The following PRR22 variants were observed in gnomAD, a reference collection of about 807,000 sequenced individuals.
The protein encoded by PRR22 is proline rich 22.
In PRR22, 5 loss-of-function variants were observed where a neutral mutation model predicts 7.2. The observed-to-expected ratio is 0.69, with a 90% CI of 0.36 to 1.45. The LOEUF is 1.45. Among genes scored for constraint, PRR22 ranks in the 40% most tolerant of loss-of-function variants. The pLI is 0.03. For synonymous variants in PRR22, 319 were observed against 269.3 expected (o/e 1.18, Z -1.81); for missense variants, 619 against 568.8 (o/e 1.09, Z -0.90).
At position 5,783,571 on chromosome 19, in the gene PRR22, G is replaced by C. The variant is rs779605170; in HGVS notation, c.676C>G (p.Pro226Ala). 4 of 1,606,248 alleles carry C rather than the reference G, an allele frequency of 2.5e-6. No individual in the cohort carries two copies. The East Asian group carries it at 9.0e-5, about 36-fold the overall frequency. Residue 226 changes from proline to alanine, a missense_variant, in exon 3 of 3, where the codon CCC (proline) becomes GCC (alanine). Physicochemically the swap from Pro to Ala is conservative, Grantham distance 27. Transcript: ENST00000419421. Reference protein sequence around the residue: ...GHLGHFPGPEPLAFPVKELQG... With the variant: ...GHLGHFPGPEALAFPVKELQG... ...AGCTCCTTGACGGGGAAGGCCAGGGGTTCGGGCCCAGGGAAGTGGCCGAGG... is the reference window on the plus strand; with the variant it reads ...AGCTCCTTGACGGGGAAGGCCAGGGCTTCGGGCCCAGGGAAGTGGCCGAGG...
rs759931344 is a variant in PRR22 at position 5,784,049 on chromosome 19, G to A, written c.198C>T (p.Phe66=). 6.2e-6 allele frequency: 10 copies of A among 1,611,874 alleles called. No homozygotes were observed. The highest frequency in any genetic ancestry group is 8.5e-6 in the Non-Finnish European group (10 of 1,179,492). ...AGAAGCACCCGCATGGGGCCATCTGGAAACCTGTGGGCGGCAGGCGGGTGC... is the reference window on the plus strand; with the variant it reads ...AGAAGCACCCGCATGGGGCCATCTGAAAACCTGTGGGCGGCAGGCGGGTGC... ...KEVFPAPPAG[F]QMAPCGCFFD... Residue 66 remains phenylalanine, a synonymous_variant, in exon 3 of 3, where the codon TTC becomes TTT. Transcript: ENST00000419421.
intron 2 of PRR22, 104 bp from the exon 3 acceptor site, chr19:5,784,157 G>A: frequency 8.5e-7 from 1 of 1,178,436 alleles, no homozygotes; most frequent in Non-Finnish European, 1.3e-6. Flanking sequence ...TGCCATTGGG[G>A]GGCCCCTTTG....
rs753528316 is a variant in PRR22, at chr19:5,784,364, G to A, written c.193+13C>T. The stretch of plus-strand genomic sequence containing the variant: ...ACTCCCAGCCTCGTCAAGGGCTCAG[G>A]GGAGGCCGGTACCTGCTGGTGGGGC... On this transcript the variant is annotated intron_variant, in intron 2 of 2. Transcript: ENST00000419421. 14 of 1,610,442 alleles carry A rather than the reference G, an allele frequency of 8.7e-6. No homozygotes were observed. In the Admixed American group the frequency reaches 2.4e-4, roughly 27 times the overall value.
chr19:5,784,210 G>C lies in PRR22; in HGVS notation c.194-157C>G, dbSNP rs376947138. 1.8e-5 allele frequency: 19 copies of C among 1,065,436 alleles called. No individual in the cohort carries two copies. The African/African-American group carries it at 2.8e-4, about 16-fold the overall frequency. The allele number at this position is 1,065,436 out of a possible 1,614,324, so 66.0% of individuals were successfully genotyped here. A position where few individuals can be genotyped will look rare whatever the true frequency, so the allele number is the denominator to read the frequency against. Reference sequence around the variant, plus strand: ...TGCTTTGGGGCCCTGGCTGGGTGATGGATGACACAGAGCTTGTCTTTGGGG... The same window carrying C: ...TGCTTTGGGGCCCTGGCTGGGTGATCGATGACACAGAGCTTGTCTTTGGGG... On this transcript the variant is annotated intron_variant, in intron 2 of 2. Transcript: ENST00000419421.
At chr19:5,784,305 G>C in intron 2 of PRR22, 72 bp downstream of exon 2, 1 of 1,515,522 alleles carries the variant, frequency 6.6e-7, no homozygotes, top group Non-Finnish European at 9.1e-7. Flanking sequence ...TTAGGGACGG[G>C]GCAGGGGCAA....
rs2056821573 is a variant in PRR22, at chr19:5,784,566, G to A, written c.95C>T (p.Pro32Leu). Residue 32 changes from proline to leucine, a missense_variant, in exon 1 of 3, where the codon CCT (proline) becomes CTT (leucine). Physicochemically the swap from Pro to Leu is moderately conservative, Grantham distance 98. Coordinates refer to ENST00000419421, the MANE Select transcript of PRR22 (RefSeq NM_001134316.2). ...AGGAGGCTCGGCACAGGTGGGAGCAGGCTGGTTGCCCAGCACCTCAGCCCC... is the reference window on the plus strand; with the variant it reads ...AGGAGGCTCGGCACAGGTGGGAGCAAGCTGGTTGCCCAGCACCTCAGCCCC... ...LEGAEVLGNQPAPTCAEPPPA... is the reference protein window; with the variant it reads ...LEGAEVLGNQLAPTCAEPPPA... The A allele has an allele frequency of 2.6e-6, 4 of 1,547,414 alleles. No individual in the cohort carries two copies. The African/African-American group carries it at 5.5e-5, about 21-fold the overall frequency.
At position 5,783,829 on chromosome 19, in the gene PRR22, G is replaced by A; in HGVS notation, c.418C>T (p.Pro140Ser). ...GGGAAGTAGGGCAAGAGAAACTGGGGCCCCCCGGGTGCCTGCTGGTAGTGG... is the reference window on the plus strand; with the variant it reads ...GGGAAGTAGGGCAAGAGAAACTGGGACCCCCCGGGTGCCTGCTGGTAGTGG... ...YPHYQQAPGG[P>S]QFLLPYFPPE... The change falls in exon 3 of 3, where the codon CCC (proline) becomes TCC (serine). Residue 140 changes from proline to serine, a missense_variant. Physicochemically the swap from Pro to Ser is moderately conservative, Grantham distance 74. Coordinates refer to ENST00000419421, the MANE Select transcript of PRR22 (RefSeq NM_001134316.2). The A allele has an allele frequency of 6.5e-7, 1 of 1,534,806 alleles. No homozygotes were observed. The highest frequency in any genetic ancestry group is 8.8e-7 in the Non-Finnish European group (1 of 1,139,906).
Position 5,783,208 on chromosome 19 carries a change from C to A in PRR22, c.1039G>T (p.Asp347Tyr), listed in dbSNP as rs755164083. The A allele has an allele frequency of 6.2e-7, 1 of 1,612,790 alleles. No homozygotes were observed. Among genetic ancestry groups the A allele is most frequent in the South Asian group, 1.1e-5 (1 of 91,088 alleles). Residue 347 changes from aspartate to tyrosine, a missense_variant, in exon 3 of 3, where the codon GAC (aspartate) becomes TAC (tyrosine). Asp to Tyr is a radical substitution (Grantham distance 160). Coordinates refer to ENST00000419421, the MANE Select transcript of PRR22 (RefSeq NM_001134316.2). Reference sequence around the variant, plus strand: ...AAGTAGTCAACGTTGGACACGGTGTCCAGGATCTCAGGCACGCTGTAGTCA... The same window carrying A: ...AAGTAGTCAACGTTGGACACGGTGTACAGGATCTCAGGCACGCTGTAGTCA... ...SFDYSVPEIL[D>Y]TVSNVDYFFN...
In PRR22 at chr19:5,784,741, G is replaced by A; in HGVS notation, c.-81C>T. On this transcript the variant is annotated 5_prime_UTR_variant, in exon 1 of 3. Transcript: ENST00000419421. The stretch of plus-strand genomic sequence containing the variant: ...GTGGCCCAACCGGAGAACAGGCTGA[G>A]AACCTGGTGGGGTTCTGTTTGCCTG... 3 of 1,477,006 alleles carry A rather than the reference G, an allele frequency of 2.0e-6. No homozygotes were observed. The highest frequency in any genetic ancestry group is 2.2e-5 in the Admixed American group (1 of 45,736). The allele number at this position is 1,477,006 out of a possible 1,614,324, so 91.5% of individuals were successfully genotyped here.
rs779249083 is a variant in PRR22 at position 5,783,707 on chromosome 19, C to T, written c.540G>A (p.Pro180=). 23 of 1,496,038 alleles carry T rather than the reference C, an allele frequency of 1.5e-5. No individual in the cohort carries two copies. The East Asian group carries it at 2.6e-4, about 17-fold the overall frequency. The allele number at this position is 1,496,038 out of a possible 1,614,324, so 92.7% of individuals were successfully genotyped here. The part of the protein sequence containing the change: ...ELPLPPLEEG[P]APLPPPPPKE... ...TGGGGGGTGGGGGTGGCAGCGGGGC[C>T]GGGCCTTCCTCTAGGGGCGGTAGGG... The change falls in exon 3 of 3, where the codon CCG becomes CCA. Residue 180 remains proline, a synonymous_variant. Transcript: ENST00000419421.
chr19:5,783,196 TGGACACGGTGTCCA>T lies in PRR22; in HGVS notation c.1037_1050del (p.Leu346GlnfsTer3). The T allele has an allele frequency of 6.2e-7, 1 of 1,612,766 alleles. No homozygotes were observed. Among genetic ancestry groups the T allele is most frequent in the East Asian group, 2.2e-5 (1 of 44,864 alleles). ...TTGAAGTTGAAGAAGTAGTCAACGT[TGGACACGGTGTCCA>T]GGATCTCAGGCACGCTGTAGTCAAA... On this transcript the variant is annotated frameshift_variant, in exon 3 of 3. Transcript: ENST00000419421. LOFTEE classifies it low-confidence loss of function (END_TRUNC).
chr19:5,783,566 C>T lies in PRR22; in HGVS notation c.681G>A (p.Leu227=). The T allele has an allele frequency of 6.2e-7, 1 of 1,605,566 alleles. No homozygotes were observed. Among genetic ancestry groups the T allele is most frequent in the East Asian group, 2.2e-5 (1 of 44,534 alleles). Residue 227 remains leucine, a synonymous_variant, in exon 3 of 3, where the codon CTG becomes CTA. Transcript: ENST00000419421. Reference sequence around the variant, plus strand: ...CCTGCAGCTCCTTGACGGGGAAGGCCAGGGGTTCGGGCCCAGGGAAGTGGC... The same window carrying T: ...CCTGCAGCTCCTTGACGGGGAAGGCTAGGGGTTCGGGCCCAGGGAAGTGGC... ...HLGHFPGPEP[L]AFPVKELQGS...
Position 5,784,276 on chromosome 19 carries a change from C to T in PRR22, c.193+101G>A, listed in dbSNP as rs752547144. ...TGTGTGAAGCATGGGGAGCAGAGGC[C>T]ATGCCTTCAGGCTCCCACTTAGGGA... On this transcript the variant is annotated intron_variant, in intron 2 of 2. Transcript: ENST00000419421. 1.5e-5 allele frequency: 20 copies of T among 1,295,430 alleles called. 1 individual carries two copies. The South Asian group carries it at 2.2e-4, about 14-fold the overall frequency. The allele number at this position is 1,295,430 out of a possible 1,614,324, so 80.2% of individuals were successfully genotyped here. A position where few individuals can be genotyped will look rare whatever the true frequency, so the allele number is the denominator to read the frequency against.
At chr19:5,784,464 G>A (rs763885995) in intron 1 of PRR22, 25 bp from the exon 2 acceptor site, 1 of 1,552,318 alleles carries the variant, frequency 6.4e-7, no homozygotes, top group South Asian at 1.2e-5. Context: ...GCCCAGGTGG[G>A]TAGGGCCCTT....
Position 5,784,634 on chromosome 19 carries a change from G to A in PRR22, c.27C>T (p.Ala9=). Residue 9 remains alanine (A), a synonymous_variant, in exon 1 of 3, where the codon GCC becomes GCT. Transcript: ENST00000419421. ...TGAAACCTTCCTGGGGAGCTGCAGG[G>A]GCACAGAACGGTTTGGGGTGCTGCA... is the stretch of plus-strand genomic sequence containing the variant. The part of the protein sequence containing the change: MQHPKPFC[A]PAAPQEGFSP... 1 of 1,535,552 alleles carries A rather than the reference G, an allele frequency of 6.5e-7. No individual in the cohort carries two copies. The highest frequency in any genetic ancestry group is 1.2e-5 in the South Asian group (1 of 83,980).
At chr19:5,784,246 G>A (rs1183048063) in intron 2 of PRR22, 131 bp downstream of exon 2, 8 of 1,123,516 alleles carry the variant, frequency 7.1e-6, no homozygotes, top group South Asian at 1.3e-5. Context: ...CTCATCTGGG[G>A]GACCTGTGTG....
chr19:5,784,424 T>C lies in PRR22; in HGVS notation c.146A>G (p.Tyr49Cys). 1 of 1,567,548 alleles carries C rather than the reference T, an allele frequency of 6.4e-7. No individual in the cohort carries two copies. The highest frequency in any genetic ancestry group is 8.7e-7 in the Non-Finnish European group (1 of 1,156,038). Residue 49 changes from tyrosine to cysteine, a missense_variant, in exon 2 of 3, where the codon TAT (tyrosine) becomes TGT (cysteine). Tyr to Cys is a radical substitution (Grantham distance 194). Transcript: ENST00000419421. ...CTCTTTCTCTGGGTCTGGGGGATGA[T>C]ACAGGTTCAAGGAGCCTGTGGACAA... ...PPPAMGSLNL[Y>C]HPPDPEKEVF...
At position 5,784,410 on chromosome 19, in the gene PRR22, G is replaced by T; in HGVS notation, c.160C>A (p.Pro54Thr). The change falls in exon 2 of 3, where the codon CCA (proline) becomes ACA (threonine). Residue 54 changes from proline (P) to threonine (T), a missense_variant. Coordinates refer to ENST00000419421, the MANE Select transcript of PRR22 (RefSeq NM_001134316.2). ...GGGGCTGGAAACACCTCTTTCTCTG[G>T]GTCTGGGGGATGATACAGGTTCAAG... ...GSLNLYHPPD[P>T]EKEVFPAPPA... is the part of the protein sequence containing the mutation. 1.9e-6 allele frequency: 3 copies of T among 1,580,392 alleles called. No individual in the cohort carries two copies. Among genetic ancestry groups the T allele is most frequent in the Non-Finnish European group, 2.6e-6 (3 of 1,163,092 alleles).
intron 2 of PRR22, 107 bp from the exon 3 acceptor site, chr19:5,784,160 C>G: frequency 2.5e-6 from 3 of 1,188,260 alleles, no homozygotes; most frequent in South Asian, 1.2e-5. Context: ...CATTGGGGGG[C>G]CCCTTTGGGG....
Sources: gnomAD v4.1 joint callset for allele counts on GRCh38, gnomAD v4.1.1 for gene constraint, MANE v1.5 for transcripts, NCBI Gene and HGNC (gene_info 2026-07-23, HGNC 2026-07-21) for gene names.